The following PTPRK variants were observed in gnomAD, a reference collection of about 807,000 sequenced individuals.
PTPRK encodes the protein protein tyrosine phosphatase receptor type K.
Under a neutral mutation model 178.0 loss-of-function variants are expected in PTPRK, and 75 were observed. The ratio of observed to expected loss-of-function variants is 0.42; its 90% confidence interval spans 0.35 to 0.51. The LOEUF (loss-of-function observed/expected upper bound fraction) is 0.51. PTPRK is among the 20% of genes least tolerant of loss of function. The pLI is 0.02. For synonymous variants in PTPRK, 637 were observed against 620.6 expected, an observed-to-expected ratio of 1.03 and a Z score of -0.39; for missense variants, 1,441 against 1,797.8, an observed-to-expected ratio of 0.80 and a Z score of 3.59.
chr6:128,029,293 C>A (rs913881737), intron 13 of PTPRK, among the ~76,000 whole-genome samples: 1 of 152,102 alleles, frequency 6.6e-6, no homozygotes, highest in Non-Finnish European at 1.5e-5. Flanking sequence ...TCACCAGAAG[C>A]AGATGCCAGC....
At chr6:128,360,535 T>C (rs895381444) in intron 2 of PTPRK, among the ~76,000 whole-genome samples, 1 of 152,110 alleles carries the variant, frequency 6.6e-6, no homozygotes, top group Non-Finnish European at 1.5e-5. Context: ...GAGAAACATA[T>C]AAAGAGTATT....
At chr6:128,010,414 T>TA (rs2114722868) in intron 13 of PTPRK, among the ~76,000 whole-genome samples, 1 of 151,330 alleles carries the variant, frequency 6.6e-6, no homozygotes, top group East Asian at 1.9e-4. Flanking sequence ...GACAATCTGT[T>TA]AATCAGCTCT....
intron 3 of PTPRK, among the ~76,000 whole-genome samples, chr6:128,244,331 G>T (rs1283337873): frequency 1.3e-5 from 2 of 152,124 alleles, no homozygotes; most frequent in Non-Finnish European, 2.9e-5. Flanking sequence ...CCATGGAAGG[G>T]AATAAGCGAC....
At chr6:128,173,009 G>C (rs1266491296) in intron 7 of PTPRK, among the ~76,000 whole-genome samples, 1 of 151,912 alleles carries the variant, frequency 6.6e-6, no homozygotes, top group African/African-American at 2.4e-5. Flanking sequence ...ACAATGAGAA[G>C]TAAGAGAGCA....
chr6:128,468,304 T>G (rs974383468), intron 1 of PTPRK, among the ~76,000 whole-genome samples: 1 of 152,164 alleles, frequency 6.6e-6, no homozygotes, highest in Non-Finnish European at 1.5e-5. Flanking sequence ...TAAACATGTA[T>G]GCATATACAC....
At chr6:128,429,037 G>A (rs1007057048) in intron 1 of PTPRK, among the ~76,000 whole-genome samples, 1 of 152,270 alleles carries the variant, frequency 6.6e-6, no homozygotes, top group East Asian at 1.9e-4. Context: ...TTTATGATAG[G>A]TTTATCGGGA....
intron 3 of PTPRK, among the ~76,000 whole-genome samples, chr6:128,277,385 T>A (rs1820890121): frequency 6.6e-6 from 1 of 152,160 alleles, no homozygotes; most frequent in South Asian, 2.1e-4. Flanking sequence ...GAAACTGTCA[T>A]AAGAAAATGA....
intron 2 of PTPRK, among the ~76,000 whole-genome samples, chr6:128,366,559 A>G (rs1215979545): frequency 4.6e-5 from 7 of 152,148 alleles, no homozygotes; most frequent in Non-Finnish European, 1.0e-4. Flanking sequence ...TACAAAGTGG[A>G]TATCACAGTA....
At chr6:128,069,032 T>G (rs1260506776) in intron 11 of PTPRK, among the ~76,000 whole-genome samples, 1 of 151,996 alleles carries the variant, frequency 6.6e-6, no homozygotes, top group Non-Finnish European at 1.5e-5. Context: ...TAAAACAGTT[T>G]AGACTCTGGC....
At chr6:128,144,342 C>T (rs1481033437) in intron 7 of PTPRK, among the ~76,000 whole-genome samples, 1 of 152,182 alleles carries the variant, frequency 6.6e-6, no homozygotes, top group African/African-American at 2.4e-5. Flanking sequence ...CATTACATTG[C>T]TTTAAATCTT....
chr6:128,184,340 T>A, intron 7 of PTPRK, 92 bp downstream of exon 7: 1 of 1,241,464 alleles, frequency 8.1e-7, no homozygotes, highest in Non-Finnish European at 1.1e-6. Flanking sequence ...ATATCATATA[T>A]CAAATAATGA....
At chr6:128,259,682 G>T (rs1370469579) in intron 3 of PTPRK, among the ~76,000 whole-genome samples, 4 of 152,150 alleles carry the variant, frequency 2.6e-5, no homozygotes, top group Non-Finnish European at 5.9e-5. Context: ...GTATGTTTTA[G>T]AAGTATAATT....
intron 1 of PTPRK, among the ~76,000 whole-genome samples, chr6:128,472,036 G>T (rs1850747076): frequency 6.6e-6 from 1 of 152,022 alleles, no homozygotes. Context: ...AGAGGGTGGA[G>T]AATGGAAAGA....
intron 13 of PTPRK, among the ~76,000 whole-genome samples, chr6:128,040,321 A>C (rs1020783615): frequency 3.9e-5 from 6 of 152,140 alleles, no homozygotes; most frequent in African/African-American, 1.4e-4. Context: ...AAGAGTCAAA[A>C]CCAAGATGAT....
At chr6:128,489,934 A>G (rs1303231731) in intron 1 of PTPRK, among the ~76,000 whole-genome samples, 2 of 152,190 alleles carry the variant, frequency 1.3e-5, no homozygotes, top group Admixed American at 6.5e-5. Flanking sequence ...CATTTTTACA[A>G]CTGTATCATT....
chr6:128,097,081 G>A (rs1788039166), intron 7 of PTPRK, among the ~76,000 whole-genome samples: 2 of 152,088 alleles, frequency 1.3e-5, no homozygotes, highest in Non-Finnish European at 2.9e-5. Context: ...TTTCATCTCT[G>A]CTCCCATGGG....
intron 2 of PTPRK, among the ~76,000 whole-genome samples, chr6:128,332,643 A>C (rs1185231672): frequency 6.6e-6 from 1 of 152,228 alleles, no homozygotes; most frequent in Non-Finnish European, 1.5e-5. Context: ...GACAATGTTA[A>C]AGGGTGGTAC....
At chr6:128,400,825 C>T (rs890007989) in intron 1 of PTPRK, among the ~76,000 whole-genome samples, 13 of 152,138 alleles carry the variant, frequency 8.5e-5, no homozygotes, top group Non-Finnish European at 1.5e-5. Flanking sequence ...TAGCAAGCTC[C>T]TAATTCATAA....
intron 1 of PTPRK, among the ~76,000 whole-genome samples, chr6:128,468,492 A>G (rs1354434683): frequency 1.3e-5 from 2 of 152,190 alleles, no homozygotes; most frequent in Non-Finnish European, 2.9e-5. Context: ...TTTATTTTCA[A>G]GGAATTTGCC....
Sources: allele counts gnomAD v4.1 joint callset (sites outside exome capture counted in the v4.1 genomes callset), GRCh38; gene constraint gnomAD v4.1.1; transcripts MANE v1.5; gene names NCBI Gene and HGNC (gene_info 2026-07-23, HGNC 2026-07-21).